The following RYR1 variants were observed in gnomAD, a reference collection of about 807,000 sequenced individuals.
RYR1 encodes the protein central core disease of muscle.
Under a neutral mutation model 583.5 loss-of-function variants are expected in RYR1, and 342 were observed. The observed-to-expected ratio is 0.59, with a 90% CI of 0.54 to 0.64. The LOEUF is 0.64. Among genes scored for constraint, RYR1 ranks in the 30% least tolerant of loss-of-function variants. The pLI is 0.00. For synonymous variants in RYR1, 2,791 were observed against 2,822.5 expected (o/e 0.99, Z 0.35); for missense variants, 6,032 against 6,917.2 (o/e 0.87, Z 4.54).
At chr19:38,457,346 C>T in intron 16 of RYR1, 151 bp from the exon 17 acceptor site, 1 of 1,079,336 alleles carries the variant, frequency 9.3e-7, no homozygotes, top group South Asian at 1.3e-5. Context: ...GATCCCTGAC[C>T]TTCCACTTTC....
chr19:38,570,760 C>G, intron 94 of RYR1, 67 bp downstream of exon 94: 1 of 1,326,682 alleles, frequency 7.5e-7, no homozygotes. Flanking sequence ...GGCTCAGCCC[C>G]TATCAGAATT....
intron 51 of RYR1, 37 bp from the exon 52 acceptor site, chr19:38,504,966 C>G: frequency 6.2e-7 from 1 of 1,613,992 alleles, no homozygotes; most frequent in South Asian, 1.1e-5. Context: ...GGAGGGAACC[C>G]CAGCTCCAAC....
At chr19:38,581,462 A>C (rs1974205278) in intron 101 of RYR1, among the ~76,000 whole-genome samples, 1 of 151,596 alleles carries the variant, frequency 6.6e-6, no homozygotes, top group Non-Finnish European at 1.5e-5. Context: ...TGATCTGCCC[A>C]CCTCGGCCTC....
intron 67 of RYR1, among the ~76,000 whole-genome samples, chr19:38,521,000 T>C (rs908845612): frequency 2.0e-5 from 3 of 152,004 alleles, no homozygotes; most frequent in Non-Finnish European, 4.4e-5. Flanking sequence ...TGGGGCCGGG[T>C]GCAGTGGCTT....
rs193922843 is a variant in RYR1, at chr19:38,543,832, G to T, written c.11969G>T (p.Gly3990Val). 2.5e-6 allele frequency: 4 copies of T among 1,613,900 alleles called. No homozygotes were observed. Among genetic ancestry groups the T allele is most frequent in the Non-Finnish European group, 3.4e-6 (4 of 1,180,040 alleles). The change falls in exon 87 of 106, where the codon GGA becomes GTA. Residue 3990 changes from glycine (G) to valine (V), a missense_variant. By Grantham distance (109) the Gly-to-Val change is moderately radical. This residue lies in a region of RYR1 where 82 missense variants were observed against 139.7 expected (regional missense o/e 0.59). Coordinates refer to ENST00000359596, the MANE Select transcript of RYR1 (RefSeq NM_000540.3). The surrounding 1 kb of genome is among the most constrained non-coding windows in gnomAD (Gnocchi z 4.4). ...AGTCGCCTATGGGACGCAGTGGTGG[G>T]ATTCCTGCACGTGTTCGCCCACATG... Reference protein sequence around the residue: ...AHSRLWDAVVGFLHVFAHMMM... With the variant: ...AHSRLWDAVVVFLHVFAHMMM...
rs1379172828 is a variant in RYR1 at position 38,519,208 on chromosome 19, C to T, written c.10019-6C>T. On this transcript the variant is annotated splice_polypyrimidine_tract_variant and splice_region_variant and intron_variant, in intron 66 of 105. Transcript: ENST00000359596. Reference sequence around the variant, plus strand: ...GGTGGCATCAGAGCCCATCGCACCCCTGCAGTGTTCGCACAGCCCATTGTG... The same window carrying T: ...GGTGGCATCAGAGCCCATCGCACCCTTGCAGTGTTCGCACAGCCCATTGTG... 1 of 1,614,120 alleles carries T rather than the reference C, an allele frequency of 6.2e-7. No individual in the cohort carries two copies. Among genetic ancestry groups the T allele is most frequent in the Non-Finnish European group, 8.5e-7 (1 of 1,180,014 alleles).
chr19:38,567,985 C>T (rs968217013), intron 93 of RYR1, 68 bp downstream of exon 93: 7 of 1,553,320 alleles, frequency 4.5e-6, no homozygotes, highest in Non-Finnish European at 5.3e-6. Flanking sequence ...GCCCACCTCT[C>T]CTGCTCACCT....
chr19:38,557,051 C>CTTTTTT (rs35027525), intron 89 of RYR1, among the ~76,000 whole-genome samples: 846 of 108,622 alleles, frequency 7.8e-3, no homozygotes, highest in Non-Finnish European at 8.6e-3. Context: ...AGTCTCATTT[C>CTTTTTT]TTTTTTTTTT....
Position 38,535,034 on chromosome 19 carries a change from C to G in RYR1, c.11360-107C>G, listed in dbSNP as rs1038620568. On this transcript the variant is annotated intron_variant, in intron 79 of 105. Transcript: ENST00000359596. ...ACCCCTGCATGCACACCTTGGCACA[C>G]TCTTAAATCCCCTTCTCTCACATCC... The G allele has an allele frequency of 7.4e-6, 9 of 1,219,488 alleles. No individual in the cohort carries two copies. The African/African-American group carries it at 1.3e-4, about 18-fold the overall frequency. 75.5% of individuals were successfully genotyped at this position (1,219,488 alleles called of 1,614,324 possible).
rs1375792153 is a variant in RYR1 at position 38,500,297 on chromosome 19, G to T, written c.7323+281G>T. Among the ~76,000 whole-genome samples, 4 of 151,060 alleles carry T rather than the reference G, an allele frequency of 2.6e-5. No homozygotes were observed. Among genetic ancestry groups the T allele is most frequent in the Admixed American group, 1.3e-4 (2 of 15,158 alleles). Reference sequence around the variant, plus strand: ...GCTGGGATTGCAGGGCACACGGAGAGGACTCAGGATGGGGATGGGGAACAC... The same window carrying T: ...GCTGGGATTGCAGGGCACACGGAGATGACTCAGGATGGGGATGGGGAACAC... On this transcript the variant is annotated intron_variant, in intron 45 of 105. Transcript: ENST00000359596. The surrounding 1 kb of genome is among the most constrained non-coding windows in gnomAD (Gnocchi z 5.9).
In RYR1 at chr19:38,526,986, T is replaced by A; in HGVS notation, c.10627-7T>A. 6.2e-7 allele frequency: 1 copy of A among 1,613,684 alleles called. No individual in the cohort carries two copies. Among genetic ancestry groups the A allele is most frequent in the Non-Finnish European group, 8.5e-7 (1 of 1,179,802 alleles). On this transcript the variant is annotated splice_polypyrimidine_tract_variant and splice_region_variant and intron_variant, in intron 71 of 105. Transcript: ENST00000359596. The stretch of plus-strand genomic sequence containing the variant: ...CAGAGTGACCCAGCCTGGCTCTGTC[T>A]CCCCAGAAAGACACAGATGAGGAGG...
rs1600773722 is a variant in RYR1, at chr19:38,486,158, G to A, written c.5503G>A (p.Glu1835Lys). 1.2e-6 allele frequency: 2 copies of A among 1,613,096 alleles called. No individual in the cohort carries two copies. Among genetic ancestry groups the A allele is most frequent in the Non-Finnish European group, 1.7e-6 (2 of 1,179,936 alleles). ...HARDPVGGSV[E>K]FQFVPVLKLV... ...TCGCGACCCCGTCGGGGGCTCCGTG[G>A]AGTTCCAGTTTGTGCCTGTGCTCAA... Residue 1835 changes from glutamate to lysine, a missense_variant, in exon 34 of 106, where the codon GAG (glutamate) becomes AAG (lysine). This residue lies in a region of RYR1 where 2,627 missense variants were observed against 2,961.3 expected (regional missense o/e 0.89). Transcript: ENST00000359596.
rs779173589 is a variant in RYR1 at position 38,546,474 on chromosome 19, G to C, written c.12042G>C (p.Glu4014Asp). 1.9e-6 allele frequency: 3 copies of C among 1,613,888 alleles called. No individual in the cohort carries two copies. The South Asian group carries it at 3.3e-5, about 18-fold the overall frequency. The change falls in exon 88 of 106, where the codon GAG becomes GAC. Residue 4014 changes from glutamate (E) to aspartate (D), a missense_variant. Glu to Asp is a conservative substitution (Grantham distance 45). Coordinates refer to ENST00000359596, the MANE Select transcript of RYR1 (RefSeq NM_000540.3). ...CAAGCCAGATCGAGCTGCTGAAGGA[G>C]CTGCTGGATCTGCAGAAGGACATGG... The part of the protein sequence containing the change: ...QDSSQIELLK[E>D]LLDLQKDMVV...
chr19:38,446,413 C>T (rs889941453), intron 7 of RYR1, 59 bp from the exon 8 acceptor site: 10 of 1,323,288 alleles, frequency 7.6e-6, no homozygotes, highest in Non-Finnish European at 1.1e-5. Context: ...TTCATCTTGG[C>T]TCCTGGTCTT....
chr19:38,507,883 A>G, intron 58 of RYR1, 56 bp downstream of exon 58: 1 of 1,071,614 alleles, frequency 9.3e-7, no homozygotes, highest in Non-Finnish European at 1.5e-6. Flanking sequence ...CCAGTTCTGC[A>G]GACCAGACTC....
At chr19:38,460,649 G>T in intron 20 of RYR1, 58 bp downstream of exon 20, 9 of 1,496,068 alleles carry the variant, frequency 6.0e-6, no homozygotes, top group Non-Finnish European at 8.3e-6. Flanking sequence ...GAGTCAGAGA[G>T]GGGGCAGGGT....
chr19:38,481,245 G>A (rs575872473), intron 31 of RYR1, among the ~76,000 whole-genome samples: 41 of 152,120 alleles, frequency 2.7e-4, no homozygotes, highest in Admixed American at 5.2e-4. Flanking sequence ...TCCCACCTCA[G>A]CCTCCCAAGT....
intron 19 of RYR1, 128 bp from the exon 20 acceptor site, chr19:38,460,247 C>G: frequency 1.2e-6 from 1 of 828,492 alleles, no homozygotes. Context: ...GACACTATGA[C>G]TGCCCGGTGA....
intron 83 of RYR1, 84 bp from the exon 84 acceptor site, chr19:38,537,796 A>G (rs1474390194): frequency 1.6e-6 from 2 of 1,219,346 alleles, no homozygotes; most frequent in Admixed American, 1.7e-5. Context: ...ATGCGTGTGC[A>G]GTGTGCATGG....
Sources: gnomAD v4.1 joint callset for allele counts (sites outside exome capture counted in the v4.1 genomes callset) on GRCh38, gnomAD v4.1.1 for gene constraint, gnomAD v4.1.1 regional missense constraint, Gnocchi (gnomAD v3.1) non-coding constraint, MANE v1.5 for transcripts, NCBI Gene and HGNC (gene_info 2026-07-23, HGNC 2026-07-21) for gene names.